Variants in MSRA observed in about 807,000 individuals in gnomAD.
MSRA encodes the protein methionine sulfoxide reductase A, also known as mitochondrial peptide methionine sulfoxide reductase.
Under a neutral mutation model 31.3 loss-of-function variants are expected in MSRA, and 54 were observed. The observed-to-expected ratio is 1.73, with a 90% CI of 1.39 to 2.17. MSRA has a LOEUF of 2.17. Ranked by LOEUF, MSRA falls within the 30% of genes most tolerant of loss-of-function variation. The pLI, the probability that MSRA is intolerant of heterozygous loss-of-function variation, is 0.00. For missense variants in MSRA, 507 were observed against 300.9 expected (o/e 1.69, Z -5.07); for synonymous variants, 169 against 116.5 (o/e 1.45, Z -2.90).
intron 1 of MSRA, among the ~76,000 whole-genome samples, chr8:10,079,959 G>A (rs760800629): frequency 2.3e-4 from 35 of 152,310 alleles, no homozygotes; most frequent in Non-Finnish European, 3.7e-4. Flanking sequence ...CTGACCTGCG[G>A]TAATTTTAAG....
chr8:10,347,910 C>T (rs185392036), intron 5 of MSRA, among the ~76,000 whole-genome samples: 9 of 152,310 alleles, frequency 5.9e-5, no homozygotes, highest in Admixed American at 2.6e-4. Context: ...ATAGATACTA[C>T]GCTGTGCTGT....
rs115178467 is a variant in MSRA at position 10,358,880 on chromosome 8, C to G, written c.543+38891C>G. 4.9e-4 allele frequency among the ~76,000 whole-genome samples: 73 copies of G among 149,202 alleles called. 3 individuals carry two copies. The highest frequency in any genetic ancestry group is 1.9e-3 in the African/African-American group (73 of 38,670). On this transcript the variant is annotated intron_variant, in intron 5 of 5. Coordinates refer to ENST00000317173, the MANE Select transcript of MSRA (RefSeq NM_012331.5). ...GTGCTGGGATTACAGGCGTGAGCCA[C>G]CAGCATTAGATTCTTATAGGAGCAG... is the stretch of plus-strand genomic sequence containing the variant.
chr8:10,224,613 C>G lies in MSRA; in HGVS notation c.211+16712C>G, dbSNP rs923711817. Among the ~76,000 whole-genome samples the G allele has an allele frequency of 2.0e-5, 3 of 152,192 alleles. 1 individual carries two copies. The highest frequency in any genetic ancestry group is 3.4e-3 in the Middle Eastern group (1 of 294). ...CAGGTGGTAGTCTTGTGTATGGAGTCCAGTGGACAGAGCTGAGAGTCCCTC... is the reference window on the plus strand; with the variant it reads ...CAGGTGGTAGTCTTGTGTATGGAGTGCAGTGGACAGAGCTGAGAGTCCCTC... On this transcript the variant is annotated intron_variant, in intron 2 of 5. Transcript: ENST00000317173.
intron 5 of MSRA, among the ~76,000 whole-genome samples, chr8:10,333,821 C>G (rs971210569): frequency 6.6e-6 from 1 of 152,066 alleles, no homozygotes; most frequent in Non-Finnish European, 1.5e-5. Flanking sequence ...CCCCCCCACG[C>G]TGAGTGGGAC....
At chr8:10,336,158 GC>G (rs1307770708) in intron 5 of MSRA, among the ~76,000 whole-genome samples, 1 of 152,120 alleles carries the variant, frequency 6.6e-6, no homozygotes, top group Admixed American at 6.5e-5. Flanking sequence ...AAGATCAGGG[GC>G]TAATGGTTGA....
At chr8:10,116,513 C>T (rs980391238) in intron 1 of MSRA, among the ~76,000 whole-genome samples, 2 of 152,190 alleles carry the variant, frequency 1.3e-5, no homozygotes, top group African/African-American at 4.8e-5. Context: ...GTGGTCCTTG[C>T]CCTTGAGGCT....
At chr8:10,210,005 A>G (rs1267634313) in intron 2 of MSRA, among the ~76,000 whole-genome samples, 1 of 152,184 alleles carries the variant, frequency 6.6e-6, no homozygotes, top group East Asian at 1.9e-4. Context: ...AGCATTTTAT[A>G]TTAATGTCTT....
chr8:10,210,125 A>C (rs761620635), intron 2 of MSRA, among the ~76,000 whole-genome samples: 1 of 152,084 alleles, frequency 6.6e-6, no homozygotes, highest in Non-Finnish European at 1.5e-5. Context: ...TATCACTGCA[A>C]TGGAAAGGTC....
chr8:10,384,600 C>T (rs938794556), intron 5 of MSRA, among the ~76,000 whole-genome samples: 1 of 152,210 alleles, frequency 6.6e-6, no homozygotes, highest in Admixed American at 6.5e-5. Context: ...GGGACACAGG[C>T]ACGAGTAGGT....
At chr8:10,283,160 A>ACACTCTCTCTCTCTCTCTCTCT in intron 3 of MSRA, among the ~76,000 whole-genome samples, 84 of 140,256 alleles carry the variant, frequency 6.0e-4, no homozygotes, top group African/African-American at 1.9e-3. Flanking sequence ...ACACACACAC[A>ACACTCTCTCTCTCTCTCTCTCT]CTCTCACCCT....
chr8:10,312,847 T>A (rs1406064709), intron 4 of MSRA, among the ~76,000 whole-genome samples: 1 of 152,242 alleles, frequency 6.6e-6, no homozygotes, highest in Non-Finnish European at 1.5e-5. Context: ...AATTCAGTAT[T>A]CATAAATGAT....
intron 2 of MSRA, among the ~76,000 whole-genome samples, chr8:10,214,183 C>T (rs1809774943): frequency 6.6e-6 from 1 of 152,114 alleles, no homozygotes; most frequent in Non-Finnish European, 1.5e-5. Flanking sequence ...TCTCTTTTGA[C>T]AGCTAAGGTG....
intron 1 of MSRA, among the ~76,000 whole-genome samples, chr8:10,115,584 C>G (rs1436923635): frequency 1.3e-5 from 2 of 152,210 alleles, no homozygotes; most frequent in Non-Finnish European, 2.9e-5. Flanking sequence ...AATGCAGTGA[C>G]TCTCAGACAG....
intron 3 of MSRA, among the ~76,000 whole-genome samples, chr8:10,287,463 G>A (rs373285895): frequency 1.6e-4 from 25 of 152,066 alleles, no homozygotes; most frequent in Non-Finnish European, 2.5e-4. Flanking sequence ...ATCATCCCAC[G>A]CTTACAGAGT....
chr8:10,230,394 A>C (rs1486699522), intron 2 of MSRA, among the ~76,000 whole-genome samples: 1 of 152,180 alleles, frequency 6.6e-6, no homozygotes, highest in Admixed American at 6.5e-5. Context: ...TGAAGTATGC[A>C]CACAGTCAGG....
intron 1 of MSRA, among the ~76,000 whole-genome samples, chr8:10,130,195 C>T (rs1801798256): frequency 6.6e-6 from 1 of 152,192 alleles, no homozygotes; most frequent in Admixed American, 6.5e-5. Flanking sequence ...CCCCAAATGC[C>T]AGTAGTACTT....
chr8:10,400,515 AAGAC>A (rs1228846768), intron 5 of MSRA, among the ~76,000 whole-genome samples: 1 of 152,144 alleles, frequency 6.6e-6, no homozygotes, highest in Non-Finnish European at 1.5e-5. Context: ...ACAAAGGACA[AAGAC>A]AGATATTGGT....
chr8:10,110,787 G>A (rs1800221902), intron 1 of MSRA, among the ~76,000 whole-genome samples: 1 of 152,108 alleles, frequency 6.6e-6, no homozygotes, highest in African/African-American at 2.4e-5. Flanking sequence ...TTCATCTGTG[G>A]CTTCTCCTTT....
intron 1 of MSRA, among the ~76,000 whole-genome samples, chr8:10,143,988 G>C (rs1300943592): frequency 6.6e-6 from 1 of 152,130 alleles, no homozygotes; most frequent in Non-Finnish European, 1.5e-5. Context: ...ATGTTCTGTG[G>C]TGAATCACAG....
Sources: allele counts gnomAD v4.1 joint callset (sites outside exome capture counted in the v4.1 genomes callset), GRCh38; gene constraint gnomAD v4.1.1; transcripts MANE v1.5; gene names NCBI Gene and HGNC (gene_info 2026-07-23, HGNC 2026-07-21).